CDC5L: variants seen among roughly 807,000 people sequenced by gnomAD.
CDC5L encodes cell division cycle 5 like, also known as cell division cycle 5-like protein.
Under a neutral mutation model 104.1 loss-of-function variants are expected in CDC5L, and 18 were observed. That is an observed-to-expected ratio of 0.17 (90% CI 0.12 to 0.26). The LOEUF is 0.26. CDC5L is among the 10% of genes least tolerant of loss of function. The probability of loss-of-function intolerance (pLI) is 1.00; values close to 1 mark genes in which losing one functional copy is unlikely to be tolerated. For missense variants in CDC5L, 673 were observed against 956.9 expected (o/e 0.70, Z 3.91); for synonymous variants, 331 against 322.7 (o/e 1.03, Z -0.28).
chr6:44,426,901 C>T (rs1470824032), intron 13 of CDC5L, among the ~76,000 whole-genome samples, 177 bp downstream of exon 13: 8 of 152,186 alleles, frequency 5.3e-5, no homozygotes, highest in Non-Finnish European at 1.2e-4. Flanking sequence ...TAAATACCTC[C>T]ATCCCCCGTG....
In CDC5L at chr6:44,404,015, G is replaced by C; in HGVS notation, c.746G>C (p.Gly249Ala). ...AAATTAAGACAACAGGATCTTGATGGGGAGCTAAGATCGTAAGTTGCCTTT... is the reference window on the plus strand; with the variant it reads ...AAATTAAGACAACAGGATCTTGATGCGGAGCTAAGATCGTAAGTTGCCTTT... ...FRKLRQQDLD[G>A]ELRSEKEGRD... The change falls in exon 6 of 16, where the codon GGG becomes GCG. Residue 249 changes from glycine to alanine, a missense_variant. By Grantham distance (60) the Gly-to-Ala change is moderately conservative. Coordinates refer to ENST00000371477, the MANE Select transcript of CDC5L (RefSeq NM_001253.4). 1 of 1,608,372 alleles carries C rather than the reference G, an allele frequency of 6.2e-7. No homozygotes were observed. The highest frequency in any genetic ancestry group is 8.5e-7 in the Non-Finnish European group (1 of 1,178,274).
At chr6:44,437,812 A>G (rs1339725060) in intron 14 of CDC5L, among the ~76,000 whole-genome samples, 1 of 152,226 alleles carries the variant, frequency 6.6e-6, no homozygotes, top group African/African-American at 2.4e-5. Flanking sequence ...ATCAATGAAA[A>G]TGTTAATTCG....
intron 15 of CDC5L, among the ~76,000 whole-genome samples, chr6:44,446,309 A>T (rs957747911): frequency 6.6e-6 from 1 of 152,230 alleles, no homozygotes; most frequent in Non-Finnish European, 1.5e-5. Flanking sequence ...AATGTGCATA[A>T]TAGCTCCTGT....
rs1278672603 is a variant in CDC5L at position 44,399,902 on chromosome 6, C to T, written c.539+3462C>T. Among the ~76,000 whole-genome samples the T allele has an allele frequency of 5.9e-5, 9 of 152,018 alleles. 1 individual carries two copies. The South Asian group carries it at 8.3e-4, about 14-fold the overall frequency. On this transcript the variant is annotated intron_variant, in intron 5 of 15. Transcript: ENST00000371477. ...TCTTGACCTCGTGATCTGCCTGCCT[C>T]GGCCTTCCAAAGTGCTGGGATTACA...
At position 44,431,963 on chromosome 6, in the gene CDC5L, G is replaced by A. The variant is rs928815776; in HGVS notation, c.2091+2053G>A. ...AGTCATTTTTCTTTTCTTGACTCTT[G>A]GATAACTTACTTTATTGTTTACCCA... On this transcript the variant is annotated intron_variant, in intron 14 of 15. Transcript: ENST00000371477. 9.2e-4 allele frequency among the ~76,000 whole-genome samples: 140 copies of A among 152,198 alleles called. 1 individual carries two copies. Among genetic ancestry groups the A allele is most frequent in the African/African-American group, 3.3e-3 (138 of 41,528 alleles).
chr6:44,397,339 C>T (rs746777590), intron 5 of CDC5L, among the ~76,000 whole-genome samples: 2 of 152,224 alleles, frequency 1.3e-5, no homozygotes, highest in Non-Finnish European at 2.9e-5. Flanking sequence ...TCTAGGCATC[C>T]TTAGGACCAA....
At chr6:44,396,688 A>G (rs1268006422) in intron 5 of CDC5L, among the ~76,000 whole-genome samples, 1 of 152,140 alleles carries the variant, frequency 6.6e-6, no homozygotes, top group Non-Finnish European at 1.5e-5. Context: ...CCCAGTTTTG[A>G]TGCTGACCCT....
chr6:44,409,038 A>T (rs1201743547), intron 8 of CDC5L, among the ~76,000 whole-genome samples: 3 of 152,222 alleles, frequency 2.0e-5, no homozygotes, highest in African/African-American at 7.2e-5. Flanking sequence ...GGGTAGACAC[A>T]GCTTTGTGTG....
chr6:44,391,283 C>G (rs1318413563), intron 2 of CDC5L, among the ~76,000 whole-genome samples: 1 of 151,698 alleles, frequency 6.6e-6, no homozygotes, highest in Non-Finnish European at 1.5e-5. Context: ...GAGTCTTGCT[C>G]TGTCGCCCAG....
intron 9 of CDC5L, 41 bp from the exon 10 acceptor site, chr6:44,422,606 G>T: frequency 1.5e-6 from 2 of 1,325,826 alleles, no homozygotes; most frequent in Non-Finnish European, 1.0e-6. Flanking sequence ...CAATCCAAAT[G>T]TAAGTGGCAC....
Position 44,408,577 on chromosome 6 carries a change from A to G in CDC5L, c.1037A>G (p.Asn346Ser), listed in dbSNP as rs1391065796. 5.0e-6 allele frequency: 8 copies of G among 1,613,658 alleles called. No individual in the cohort carries two copies. The highest frequency in any genetic ancestry group is 1.7e-5 in the Admixed American group (1 of 59,978). The change falls in exon 8 of 16, where the codon AAC (asparagine) becomes AGC (serine). Residue 346 changes from asparagine (N) to serine (S), a missense_variant. Coordinates refer to ENST00000371477, the MANE Select transcript of CDC5L (RefSeq NM_001253.4). ...TTGTCTGAGTACAATGTCACCAACA[A>G]CAGCGTTGCTCTTAGAACACCACGA... ...TLLSEYNVTN[N>S]SVALRTPRTP...
chr6:44,390,513 G>C, intron 2 of CDC5L, 142 bp downstream of exon 2: 1 of 621,578 alleles, frequency 1.6e-6, no homozygotes. Flanking sequence ...TTGGGTGTTT[G>C]ACTTAGCTGT....
At position 44,449,013 on chromosome 6, in the gene CDC5L, T is replaced by G. The variant is rs1179924154; in HGVS notation, c.*2302T>G. The G allele has an allele frequency of 6.6e-6, 1 of 152,240 alleles. No individual in the cohort carries two copies. The highest frequency in any genetic ancestry group is 1.5e-5 in the Non-Finnish European group (1 of 68,030). 9.4% of individuals were successfully genotyped at this position (152,240 alleles called of 1,614,324 possible). ...ATAGATTTTCCCACATTAAATCATC[T>G]TTGCACTCCTGGAATCAGGTAGATT... On this transcript the variant is annotated 3_prime_UTR_variant, in exon 16 of 16. Transcript: ENST00000371477.
chr6:44,439,877 T>C (rs755071533), intron 14 of CDC5L, among the ~76,000 whole-genome samples: 6 of 152,188 alleles, frequency 3.9e-5, no homozygotes, highest in Non-Finnish European at 7.3e-5. Context: ...ATAACTTGCA[T>C]CAGCTCAAAA....
intron 13 of CDC5L, 127 bp from the exon 14 acceptor site, chr6:44,429,586 C>G (rs1792585869): frequency 1.3e-6 from 1 of 752,466 alleles, no homozygotes; most frequent in South Asian, 2.0e-5. Context: ...TCCACCCTTC[C>G]AAAAAACAAC....
chr6:44,415,858 T>C (rs1362338454), intron 8 of CDC5L, among the ~76,000 whole-genome samples: 1 of 152,168 alleles, frequency 6.6e-6, no homozygotes. Flanking sequence ...GTAAAATAAA[T>C]GTCTACTAAT....
At position 44,449,601 on chromosome 6, in the gene CDC5L, C is replaced by T. The variant is rs550217603; in HGVS notation, c.*2890C>T. On this transcript the variant is annotated 3_prime_UTR_variant, in exon 16 of 16. Transcript: ENST00000371477. ...AAACTTGTGTTAAGCATGTTAAAGTCTCAGTAACTTTGGGATAGAAATAAA... is the reference window on the plus strand; with the variant it reads ...AAACTTGTGTTAAGCATGTTAAAGTTTCAGTAACTTTGGGATAGAAATAAA... 2.3e-4 allele frequency: 35 copies of T among 152,264 alleles called. No homozygotes were observed. Among genetic ancestry groups the T allele is most frequent in the African/African-American group, 8.4e-4 (35 of 41,546 alleles). 9.4% of individuals were successfully genotyped at this position (152,264 alleles called of 1,614,324 possible).
chr6:44,429,657 TG>T, intron 13 of CDC5L, 55 bp from the exon 14 acceptor site: 1 of 1,487,116 alleles, frequency 6.7e-7, no homozygotes, highest in Middle Eastern at 1.8e-4. Flanking sequence ...TAAAGCTCTC[TG>T]GATATGGCAA....
Position 44,446,867 on chromosome 6 carries a change from A to G in CDC5L, c.*156A>G, listed in dbSNP as rs1374206824. On this transcript the variant is annotated 3_prime_UTR_variant, in exon 16 of 16. Transcript: ENST00000371477. ...GATATCGATCTTACACATTCTGTGTATAAAGACCTTAACTCCACAGGACGG... is the reference window on the plus strand; with the variant it reads ...GATATCGATCTTACACATTCTGTGTGTAAAGACCTTAACTCCACAGGACGG... The G allele has an allele frequency of 1.1e-5, 5 of 447,602 alleles. No individual in the cohort carries two copies. The highest frequency in any genetic ancestry group is 6.1e-5 in the African/African-American group (3 of 49,052). 27.7% of individuals were successfully genotyped at this position (447,602 alleles called of 1,614,324 possible). A position where few individuals can be genotyped will look rare whatever the true frequency, so the allele number is the denominator to read the frequency against.
Sources: gnomAD v4.1 joint callset for allele counts (sites outside exome capture counted in the v4.1 genomes callset) on GRCh38, gnomAD v4.1.1 for gene constraint, MANE v1.5 for transcripts, NCBI Gene and HGNC (gene_info 2026-07-23, HGNC 2026-07-21) for gene names.